Variants in GSPT1 observed in about 807,000 individuals in gnomAD.
GSPT1 encodes G1 to S phase transition 1.
GSPT1 carries 20 observed loss-of-function variants against 72.5 expected under a neutral mutation model. The observed-to-expected ratio is 0.28, with a 90% CI of 0.19 to 0.40. GSPT1 has a LOEUF of 0.40. GSPT1 is among the 10% of genes least tolerant of loss of function. The pLI, the probability that GSPT1 is intolerant of heterozygous loss-of-function variation, is 1.00. For synonymous variants in GSPT1, 334 were observed against 293.5 expected (o/e 1.14, Z -1.41); for missense variants, 580 against 811.9 (o/e 0.71, Z 3.47).
At chr16:11,890,047 G>A (rs1424816108) in intron 6 of GSPT1, among the ~76,000 whole-genome samples, 26 of 150,174 alleles carry the variant, frequency 1.7e-4, no homozygotes, top group South Asian at 4.2e-4. Flanking sequence ...TGCAACCTCC[G>A]CCTCCCGGGT....
chr16:11,868,171 A>T lies in GSPT1; in HGVS notation c.*4948T>A, dbSNP rs1338749732. On this transcript the variant is annotated 3_prime_UTR_variant, in exon 15 of 15. Transcript: ENST00000434724. ...AACTTTTATTGTTATTACAAAAGCA[A>T]ATTTAATTTGTCATTTGAATAATTG... The T allele has an allele frequency of 6.6e-6, 1 of 152,162 alleles. No homozygotes were observed. The highest frequency in any genetic ancestry group is 2.4e-5 in the African/African-American group (1 of 41,440). The allele number at this position is 152,162 out of a possible 1,614,324, so 9.4% of individuals were successfully genotyped here. A position where few individuals can be genotyped will look rare whatever the true frequency, so the allele number is the denominator to read the frequency against.
Position 11,872,912 on chromosome 16 carries a change from C to T in GSPT1, c.*207G>A, listed in dbSNP as rs1379218022. 6.4e-6 allele frequency: 3 copies of T among 466,796 alleles called. No individual in the cohort carries two copies. The highest frequency in any genetic ancestry group is 1.9e-5 in the African/African-American group (1 of 51,470). The allele number at this position is 466,796 out of a possible 1,614,324, so 28.9% of individuals were successfully genotyped here. On this transcript the variant is annotated 3_prime_UTR_variant, in exon 15 of 15. Transcript: ENST00000434724. Reference sequence around the variant, plus strand: ...CAGAGTTTGAAGTGAGGGCTAGGGACAGGAATCTTGGGAAAAATTCAACAG... The same window carrying T: ...CAGAGTTTGAAGTGAGGGCTAGGGATAGGAATCTTGGGAAAAATTCAACAG...
chr16:11,915,580 G>T lies in GSPT1; in HGVS notation c.141C>A (p.Gly47=), dbSNP rs956446963. Residue 47 remains glycine, a synonymous_variant, in exon 1 of 15, where the codon GGC becomes GGA. Transcript: ENST00000434724. ...CCTCGGCCGCCGCCGCCAGGGAGCC[G>T]CCGCCGCCGCAAGGGCCCGGCCCGG... ...EAPGPGPCGG[G]GSLAAAAEAQ... is the part of the protein sequence containing the mutation. The T allele has an allele frequency of 1.3e-6, 2 of 1,486,484 alleles. No individual in the cohort carries two copies. The highest frequency in any genetic ancestry group is 1.8e-6 in the Non-Finnish European group (2 of 1,119,074). 92.1% of individuals were successfully genotyped at this position (1,486,484 alleles called of 1,614,324 possible).
Position 11,896,670 on chromosome 16 carries a change from A to G in GSPT1, c.552T>C (p.Ser184=). ...CTTCCTCCTCCATCATTTCATGGGC[A>G]CTTTCCTCTGGCGGCCTTCCATCTC... ...SLGDGRPPEE[S]AHEMMEEEEE... is the part of the protein sequence containing the mutation. The change falls in exon 4 of 15, where the codon AGT becomes AGC. Residue 184 remains serine, a synonymous_variant. Coordinates refer to ENST00000434724, the MANE Select transcript of GSPT1 (RefSeq NM_002094.4). The G allele has an allele frequency of 6.2e-7, 1 of 1,608,934 alleles. No homozygotes were observed. The highest frequency in any genetic ancestry group is 8.5e-7 in the Non-Finnish European group (1 of 1,177,510).
At chr16:11,880,780 T>G (rs183345246) in intron 11 of GSPT1, among the ~76,000 whole-genome samples, 2 of 151,966 alleles carry the variant, frequency 1.3e-5, no homozygotes, top group African/African-American at 4.8e-5. Flanking sequence ...TGTTGACTTG[T>G]AGGAGTTCTT....
chr16:11,904,117 T>A (rs1258992530), intron 1 of GSPT1: 1 of 230,016 alleles, frequency 4.3e-6, no homozygotes, highest in East Asian at 1.1e-4. Flanking sequence ...TCTGAGGTTT[T>A]GGCAACACTT....
At chr16:11,894,116 A>G (rs1005355526) in intron 5 of GSPT1, among the ~76,000 whole-genome samples, 2 of 132,240 alleles carry the variant, frequency 1.5e-5, no homozygotes, top group Admixed American at 8.7e-5. Context: ...AAATCATGCC[A>G]CTGCACTCCA....
intron 9 of GSPT1, 23 bp from the exon 10 acceptor site, chr16:11,885,297 A>ATTT (rs773357476): frequency 8.7e-7 from 1 of 1,151,798 alleles, no homozygotes; most frequent in African/African-American, 1.5e-5. Context: ...CAACAAAGCC[A>ATTT]TTAAAGGAAG....
chr16:11,892,535 A>AAAAAT (rs2054280016), intron 5 of GSPT1, among the ~76,000 whole-genome samples: 1 of 147,564 alleles, frequency 6.8e-6, no homozygotes, highest in African/African-American at 2.6e-5. Flanking sequence ...AAAAAAACAA[A>AAAAAT]AAATAAAAAA....
intron 1 of GSPT1, among the ~76,000 whole-genome samples, chr16:11,903,565 T>C (rs1304609602): frequency 6.6e-6 from 1 of 152,096 alleles, no homozygotes; most frequent in Non-Finnish European, 1.5e-5. Flanking sequence ...CACATGTCTG[T>C]AGTGCCAGCT....
At chr16:11,898,652 C>T (rs2054370074) in intron 1 of GSPT1, among the ~76,000 whole-genome samples, 1 of 151,950 alleles carries the variant, frequency 6.6e-6, no homozygotes, top group Non-Finnish European at 1.5e-5. Flanking sequence ...GGTTTCGCCA[C>T]GTTGGTCAGG....
intron 5 of GSPT1, among the ~76,000 whole-genome samples, chr16:11,891,510 C>T (rs1258710723): frequency 2.0e-5 from 3 of 150,096 alleles, no homozygotes; most frequent in Admixed American, 1.3e-4. Context: ...TACAGGCACC[C>T]ACCACCAAAC....
chr16:11,869,758 A>C lies in GSPT1; in HGVS notation c.*3361T>G, dbSNP rs565292875. ...TGCTGTTATGTGTAATAGTCATCAA[A>C]GATCACGGAGTAATTCCAGTCATTA... On this transcript the variant is annotated 3_prime_UTR_variant, in exon 15 of 15. Transcript: ENST00000434724. The C allele has an allele frequency of 1.3e-5, 2 of 152,354 alleles. No homozygotes were observed. The highest frequency in any genetic ancestry group is 2.4e-5 in the African/African-American group (1 of 41,576). The allele number at this position is 152,354 out of a possible 1,614,324, so 9.4% of individuals were successfully genotyped here. A position where few individuals can be genotyped will look rare whatever the true frequency, so the allele number is the denominator to read the frequency against.
chr16:11,908,155 T>G (rs935738537), intron 1 of GSPT1: 2 of 152,378 alleles, frequency 1.3e-5, no homozygotes, highest in African/African-American at 4.8e-5. Context: ...GGCAGGAGAA[T>G]CGCTTGAACC....
intron 11 of GSPT1, among the ~76,000 whole-genome samples, chr16:11,878,500 T>C (rs762810504): frequency 5.3e-5 from 8 of 150,636 alleles, no homozygotes; most frequent in African/African-American, 1.2e-4. Context: ...GGCTGAGGCA[T>C]GAGGACTGCT....
Position 11,877,520 on chromosome 16 carries a change from C to T in GSPT1, c.1489G>A (p.Gly497Ser), listed in dbSNP as rs1441110206. Residue 497 changes from glycine to serine, a missense_variant, in exon 12 of 15, where the codon GGT becomes AGT. By Grantham distance (56) the Gly-to-Ser change is moderately conservative (BLOSUM62 0). This residue lies in a region of GSPT1 where 120 missense variants were observed against 242.5 expected (regional missense o/e 0.49). Coordinates refer to ENST00000434724, the MANE Select transcript of GSPT1 (RefSeq NM_002094.4). This position sits in a 1 kb window ranked among gnomAD's most constrained non-coding sequence, Gnocchi z 4.0. ...TTCAGTCTGATTTTGAGGTTTTCAC[C>T]TGGGGCTACGGTATCAGTCTCTACA... Reference protein sequence around the residue: ...DDVETDTVAPGENLKIRLKGI... With the variant: ...DDVETDTVAPSENLKIRLKGI... The T allele has an allele frequency of 6.2e-7, 1 of 1,611,470 alleles. No homozygotes were observed. The highest frequency in any genetic ancestry group is 8.5e-7 in the Non-Finnish European group (1 of 1,177,896).
intron 1 of GSPT1, chr16:11,908,497 A>T (rs2054516106): frequency 1.9e-5 from 1 of 51,800 alleles, no homozygotes; most frequent in African/African-American, 1.5e-4. Flanking sequence ...GCGGTGGCTC[A>T]CGCCTGTAAT....
At chr16:11,896,399 T>C (rs1041292152) in intron 4 of GSPT1, among the ~76,000 whole-genome samples, 159 bp downstream of exon 4, 3 of 152,240 alleles carry the variant, frequency 2.0e-5, no homozygotes, top group African/African-American at 7.2e-5. Context: ...AGGAAAAAAG[T>C]ACTTGCAATT....
In GSPT1 at chr16:11,908,786, A is replaced by C. The variant is rs894212069; in HGVS notation, c.352+6583T>G. 7 of 38,338 alleles carry C rather than the reference A, an allele frequency of 1.8e-4. 1 individual carries two copies. The highest frequency in any genetic ancestry group is 1.5e-3 in the African/African-American group (7 of 4,786). 2.4% of individuals were successfully genotyped at this position (38,338 alleles called of 1,614,324 possible). A position where few individuals can be genotyped will look rare whatever the true frequency, so the allele number is the denominator to read the frequency against. On this transcript the variant is annotated intron_variant, in intron 1 of 14. Transcript: ENST00000434724. ...AAAAAAAAAAAAAAAAAAAAAAAAAAAAAAAATACAAAAATTAGCCAGGCA... is the reference window on the plus strand; with the variant it reads ...AAAAAAAAAAAAAAAAAAAAAAAAACAAAAAATACAAAAATTAGCCAGGCA...
Sources: allele counts gnomAD v4.1 joint callset (sites outside exome capture counted in the v4.1 genomes callset), GRCh38; gene constraint gnomAD v4.1.1; regional missense constraint gnomAD v4.1.1; non-coding constraint Gnocchi (gnomAD v3.1); transcripts MANE v1.5; gene names NCBI Gene and HGNC (gene_info 2026-07-23, HGNC 2026-07-21).